Variants in HMCN1 observed in about 807,000 individuals in gnomAD.
The protein encoded by HMCN1 is hemicentin-1.
HMCN1 carries 321 observed loss-of-function variants against 625.9 expected under a neutral mutation model. That is an observed-to-expected ratio of 0.51 (90% CI 0.47 to 0.56). The LOEUF (loss-of-function observed/expected upper bound fraction) is 0.56, where lower values mean the gene tolerates loss of function less well. HMCN1 is among the 20% of genes least tolerant of loss of function. The probability of loss-of-function intolerance (pLI) is 0.00; values close to 1 mark genes in which losing one functional copy is unlikely to be tolerated. For synonymous variants in HMCN1, 2,425 were observed against 2,417.6 expected (o/e 1.00, Z -0.09); for missense variants, 6,588 against 6,887.3 (o/e 0.96, Z 1.54).
intron 6 of HMCN1, among the ~76,000 whole-genome samples, chr1:185,912,391 T>TG (rs1200334586): frequency 6.6e-6 from 1 of 152,224 alleles, no homozygotes; most frequent in Non-Finnish European, 1.5e-5. Context: ...CACAACGTGG[T>TG]ATTTATATCC....
chr1:186,004,083 A>T (rs921704335), intron 29 of HMCN1, among the ~76,000 whole-genome samples: 1 of 152,214 alleles, frequency 6.6e-6, no homozygotes, highest in Admixed American at 6.6e-5. Flanking sequence ...AGGAACTCAA[A>T]TTTAATATAC....
intron 100 of HMCN1, among the ~76,000 whole-genome samples, chr1:186,169,146 T>G (rs1490646430): frequency 1.3e-5 from 2 of 152,108 alleles, no homozygotes; most frequent in Admixed American, 6.6e-5. Context: ...TGTGCCACAT[T>G]TTATGTGAAG....
intron 81 of HMCN1, among the ~76,000 whole-genome samples, chr1:186,125,395 T>G (rs1661594989): frequency 6.6e-6 from 1 of 152,166 alleles, no homozygotes; most frequent in African/African-American, 2.4e-5. Context: ...ATATATTCAG[T>G]AAGTTCAATT....
chr1:185,936,625 A>G (rs1470168296), intron 11 of HMCN1, among the ~76,000 whole-genome samples: 2 of 152,272 alleles, frequency 1.3e-5, no homozygotes, highest in Admixed American at 6.5e-5. Context: ...CTAGCAGGAC[A>G]GAAAATGAAC....
intron 1 of HMCN1, among the ~76,000 whole-genome samples, chr1:185,757,154 G>C (rs766783860): frequency 1.3e-5 from 2 of 152,036 alleles, no homozygotes; most frequent in East Asian, 1.9e-4. Context: ...TGTATACTTA[G>C]TGGAGACAGG....
chr1:185,883,923 G>C (rs796934373), intron 4 of HMCN1, among the ~76,000 whole-genome samples: 4 of 103,112 alleles, frequency 3.9e-5, no homozygotes, highest in African/African-American at 1.5e-4. Context: ...AGTATGTCTA[G>C]TGATTTTGGA....
intron 89 of HMCN1, 147 bp downstream of exon 89, chr1:186,138,119 T>A: frequency 1.1e-6 from 1 of 942,662 alleles, no homozygotes; most frequent in Non-Finnish European, 1.7e-6. Flanking sequence ...TATTCTTAGT[T>A]CTCTTTCATG....
chr1:186,081,193 C>A lies in HMCN1; in HGVS notation c.8600-14C>A. ...GTTGCCCATTTTTCTCCCTTTGTTG[C>A]AATCCTTTGTTAGTGCCGCCAATTA... On this transcript the variant is annotated splice_polypyrimidine_tract_variant and intron_variant, in intron 55 of 106. Coordinates refer to ENST00000271588, the MANE Select transcript of HMCN1 (RefSeq NM_031935.3). 6.2e-7 allele frequency: 1 copy of A among 1,609,248 alleles called. No homozygotes were observed. The highest frequency in any genetic ancestry group is 8.5e-7 in the Non-Finnish European group (1 of 1,175,722).
At chr1:186,051,527 A>G (rs976613440) in intron 42 of HMCN1, among the ~76,000 whole-genome samples, 10 of 152,024 alleles carry the variant, frequency 6.6e-5, no homozygotes, top group Non-Finnish European at 1.5e-4. Context: ...AATGGAAGCC[A>G]TGGGGGTAGA....
chr1:185,865,672 A>C, intron 3 of HMCN1, 69 bp from the exon 4 acceptor site: 2 of 1,315,800 alleles, frequency 1.5e-6, no homozygotes, highest in Non-Finnish European at 2.2e-6. Context: ...CACAATAGGT[A>C]GTCAATACAC....
chr1:186,123,131 T>A lies in HMCN1; in HGVS notation c.12410T>A (p.Phe4137Tyr). 1 of 1,614,072 alleles carries A rather than the reference T, an allele frequency of 6.2e-7. No homozygotes were observed. The highest frequency in any genetic ancestry group is 1.1e-5 in the South Asian group (1 of 91,078). The change falls in exon 81 of 107, where the codon TTT becomes TAT. Residue 4137 changes from phenylalanine (F) to tyrosine (Y), a missense_variant. Phe to Tyr is a conservative substitution (Grantham distance 22). Coordinates refer to ENST00000271588, the MANE Select transcript of HMCN1 (RefSeq NM_031935.3). ...VLSSGSLQIA[F>Y]VQPGDAGHYT... ...AGCTCTGGCTCTCTGCAAATAGCAT[T>A]TGTCCAGCCTGGTGATGCTGGCCAT... is the stretch of plus-strand genomic sequence containing the variant.
At chr1:186,063,854 T>C (rs1657933562) in intron 48 of HMCN1, among the ~76,000 whole-genome samples, 1 of 152,214 alleles carries the variant, frequency 6.6e-6, no homozygotes. Flanking sequence ...TTCTTGCATA[T>C]AATCAAAATA....
At chr1:186,093,742 C>G in intron 66 of HMCN1, 73 bp downstream of exon 66, 1 of 1,589,928 alleles carries the variant, frequency 6.3e-7, no homozygotes, top group South Asian at 1.1e-5. Flanking sequence ...TTCATTTAAA[C>G]AGTGTTGAAG....
chr1:186,015,894 T>G (rs1654334217), intron 31 of HMCN1, 64 bp from the exon 32 acceptor site: 1 of 1,436,914 alleles, frequency 7.0e-7, no homozygotes, highest in African/African-American at 1.4e-5. Flanking sequence ...CTTCTTTATT[T>G]CATTAGAATG....
intron 11 of HMCN1, among the ~76,000 whole-genome samples, chr1:185,945,614 G>A (rs1668300958): frequency 6.6e-6 from 1 of 152,216 alleles, no homozygotes; most frequent in Non-Finnish European, 1.5e-5. Flanking sequence ...AGAGTGATGA[G>A]TAGAGATTGA....
chr1:186,144,559 A>G lies in HMCN1; in HGVS notation c.14122A>G (p.Ser4708Gly), dbSNP rs773263064. 6.2e-7 allele frequency: 1 copy of G among 1,614,108 alleles called. No individual in the cohort carries two copies. The highest frequency in any genetic ancestry group is 2.2e-5 in the East Asian group (1 of 44,884). The part of the protein sequence containing the change: ...PIHGKWATWA[S>G]WSACSVSCGG... ...TCATGGCAAGTGGGCGACTTGGGCCAGTTGGAGTGCCTGTTCTGTGTCATG... is the reference window on the plus strand; with the variant it reads ...TCATGGCAAGTGGGCGACTTGGGCCGGTTGGAGTGCCTGTTCTGTGTCATG... The change falls in exon 91 of 107, where the codon AGT becomes GGT. Residue 4708 changes from serine to glycine, a missense_variant. Transcript: ENST00000271588.
intron 1 of HMCN1, among the ~76,000 whole-genome samples, chr1:185,747,902 G>A (rs1357142240): frequency 6.6e-6 from 1 of 152,166 alleles, no homozygotes; most frequent in Non-Finnish European, 1.5e-5. Context: ...TTCTCAGGCT[G>A]TAAGGCATGC....
chr1:186,166,949 A>C lies in HMCN1; in HGVS notation c.15574+7A>C, dbSNP rs370470987. On this transcript the variant is annotated splice_region_variant and intron_variant, in intron 100 of 106. Transcript: ENST00000271588. ...GATGGGCTGAGTTGTCAAGGTATAA[A>C]AATGGAGGCCTTTTCTTTATGTTCA... 113 of 1,614,122 alleles carry C rather than the reference A, an allele frequency of 7.0e-5. 1 individual carries two copies. The South Asian group carries it at 1.1e-3, about 16-fold the overall frequency.
intron 20 of HMCN1, 101 bp from the exon 21 acceptor site, chr1:185,989,387 G>GT (rs879423262): frequency 4.9e-5 from 68 of 1,388,650 alleles, no homozygotes; most frequent in Middle Eastern, 2.5e-4. Flanking sequence ...TCTTGGAGAT[G>GT]TTTTTTTCTC....
Sources: gnomAD v4.1 joint callset for allele counts (sites outside exome capture counted in the v4.1 genomes callset) on GRCh38, gnomAD v4.1.1 for gene constraint, MANE v1.5 for transcripts, NCBI Gene and HGNC (gene_info 2026-07-23, HGNC 2026-07-21) for gene names.